The following GARNL3 variants were observed in gnomAD, a reference collection of about 807,000 sequenced individuals.
The protein encoded by GARNL3 is GTPase-activating Rap/Ran-GAP domain-like protein 3.
Under a neutral mutation model 125.0 loss-of-function variants are expected in GARNL3, and 63 were observed. The ratio of observed to expected loss-of-function variants is 0.50; its 90% CI spans 0.41 to 0.62. The LOEUF (loss-of-function observed/expected upper bound fraction) is 0.62. Among genes scored for constraint, GARNL3 ranks in the 20% least tolerant of loss-of-function variants. The probability of loss-of-function intolerance (pLI) is 0.00; values close to 1 mark genes in which losing one functional copy is unlikely to be tolerated. For missense variants in GARNL3, 994 were observed against 1,244.0 expected (o/e 0.80, Z 3.02); for synonymous variants, 439 against 457.5 (o/e 0.96, Z 0.52).
intron 12 of GARNL3, among the ~76,000 whole-genome samples, chr9:127,338,941 T>C (rs1829701443): frequency 6.6e-6 from 1 of 152,180 alleles, no homozygotes; most frequent in South Asian, 2.1e-4. Flanking sequence ...AAGGACAGAA[T>C]AGTGGTGTAT....
chr9:127,347,255 C>T (rs563817962), intron 16 of GARNL3, among the ~76,000 whole-genome samples: 3 of 151,512 alleles, frequency 2.0e-5, no homozygotes, highest in African/African-American at 7.3e-5. Context: ...CCTGTCTCCA[C>T]AAAAAAAATT....
intron 2 of GARNL3, among the ~76,000 whole-genome samples, chr9:127,248,581 CTGCTTTTTTCTTT>C (rs2063342417): frequency 8.2e-6 from 1 of 121,574 alleles, no homozygotes; most frequent in South Asian, 2.7e-4. Context: ...TTATTTTCTT[CTGCTTTTTTCTTT>C]TCTTTTTTTT....
chr9:127,357,258 G>A lies in GARNL3; in HGVS notation c.1975G>A (p.Val659Met), dbSNP rs149591872. The change falls in exon 21 of 28, where the codon GTG (valine) becomes ATG (methionine). Residue 659 changes from valine (V) to methionine (M), a missense_variant. This residue lies in a region of GARNL3 where 728 missense variants were observed against 865.7 expected (regional missense o/e 0.84). Transcript: ENST00000373387. The stretch of plus-strand genomic sequence containing the variant: ...TGACTCTCCCATGGTGATGACCTTA[G>A]TGGATGGGCCAGCTGAAGAGAGTGA... ...LSDSPMVMTL[V>M]DGPAEESDNL... is the part of the protein sequence containing the mutation. 25 of 1,614,080 alleles carry A rather than the reference G, an allele frequency of 1.5e-5. No individual in the cohort carries two copies. Among genetic ancestry groups the A allele is most frequent in the Non-Finnish European group, 2.1e-5 (25 of 1,180,036 alleles).
chr9:127,313,600 A>G lies in GARNL3; in HGVS notation c.438+41A>G, dbSNP rs116489899. 1,135 of 1,267,936 alleles carry G rather than the reference A, an allele frequency of 9.0e-4. 13 individuals are homozygous for G. The African/African-American group carries it at 0.015, about 17-fold the overall frequency. 78.5% of individuals were successfully genotyped at this position (1,267,936 alleles called of 1,614,324 possible). On this transcript the variant is annotated intron_variant, in intron 4 of 27. Transcript: ENST00000373387. ...ACACTTGAAGCAAAATTTATGCATC[A>G]GTTTCAGGAGATAACCCCTGTGCTG...
chr9:127,259,154 C>G (rs2068774298), upstream of GARNL3, among the ~76,000 whole-genome samples: 1 of 152,152 alleles, frequency 6.6e-6, no homozygotes, highest in African/African-American at 2.4e-5. Context: ...CTTTCCTTAT[C>G]AGTTTTAACA....
chr9:127,229,793 G>A (rs951019587), intron 1 of GARNL3, among the ~76,000 whole-genome samples: 2 of 152,184 alleles, frequency 1.3e-5, no homozygotes, highest in Admixed American at 1.3e-4. Flanking sequence ...ACCATACCCA[G>A]CAGTTTAAAT....
chr9:127,393,462 T>G lies in GARNL3; in HGVS notation c.*208T>G, dbSNP rs937710089. ...TTTCTTTCTGTTCAGGAACCATCAG[T>G]CCCCTTGTAATAAAGGTGGTAGATT... On this transcript the variant is annotated 3_prime_UTR_variant, in exon 28 of 28. Transcript: ENST00000373387. 4 of 387,304 alleles carry G rather than the reference T, an allele frequency of 1.0e-5. No homozygotes were observed. Among genetic ancestry groups the G allele is most frequent in the African/African-American group, 8.0e-5 (4 of 49,824 alleles). 24.0% of individuals were successfully genotyped at this position (387,304 alleles called of 1,614,324 possible).
At chr9:127,369,866 C>T (rs1564187550) in intron 22 of GARNL3, among the ~76,000 whole-genome samples, 1 of 152,098 alleles carries the variant, frequency 6.6e-6, no homozygotes, top group Non-Finnish European at 1.5e-5. Flanking sequence ...GAAGGGAGGA[C>T]TAGTGGTGCC....
At chr9:127,347,521 T>TA (rs1439105041) in intron 16 of GARNL3, among the ~76,000 whole-genome samples, 1 of 152,192 alleles carries the variant, frequency 6.6e-6, no homozygotes, top group African/African-American at 2.4e-5. Flanking sequence ...GTGGATCCTG[T>TA]AGGGCCCTTG....
At chr9:127,388,419 G>A (rs1397007941) in intron 25 of GARNL3, 1 of 160,894 alleles carries the variant, frequency 6.2e-6, no homozygotes, top group African/African-American at 2.4e-5. Flanking sequence ...GTTAACAGTA[G>A]TGGGTTTTGA....
upstream of GARNL3, among the ~76,000 whole-genome samples, chr9:127,260,489 G>A (rs976104853): frequency 6.6e-6 from 1 of 152,178 alleles, no homozygotes; most frequent in African/African-American, 2.4e-5. Context: ...ACACTAATCA[G>A]TTTCTGGGTA....
chr9:127,371,641 A>C (rs1831612727), intron 22 of GARNL3, among the ~76,000 whole-genome samples: 2 of 152,240 alleles, frequency 1.3e-5, no homozygotes, highest in African/African-American at 4.8e-5. Flanking sequence ...AAGTGTCATA[A>C]GACTTTATTC....
chr9:127,327,631 T>A (rs866385480), intron 7 of GARNL3, among the ~76,000 whole-genome samples: 33 of 152,140 alleles, frequency 2.2e-4, no homozygotes, highest in Admixed American at 2.6e-4. Flanking sequence ...ACTCCTGGGT[T>A]CAAGTGATCC....
At chr9:127,338,183 A>G in intron 12 of GARNL3, 22 bp downstream of exon 12, 1 of 1,571,226 alleles carries the variant, frequency 6.4e-7, no homozygotes, top group Non-Finnish European at 8.8e-7. Context: ...CTTTGTCTCG[A>G]TTGCTTGTCC....
intron 3 of GARNL3, 40 bp from the exon 4 acceptor site, chr9:127,313,401 A>T: frequency 7.2e-7 from 1 of 1,389,612 alleles, no homozygotes; most frequent in East Asian, 2.3e-5. Context: ...GGCTGGCAGG[A>T]TCAGTTGCAT....
In GARNL3 at chr9:127,313,442, C is replaced by T. The variant is rs1157355811; in HGVS notation, c.321C>T (p.Val107=). 6.2e-7 allele frequency: 1 copy of T among 1,607,364 alleles called. No individual in the cohort carries two copies. The highest frequency in any genetic ancestry group is 1.1e-5 in the South Asian group (1 of 90,926). ...CTGTTCTAAACCTTTCTTTTCCAGT[C>T]CATCAGAACTACATTGGAAACGATG... The part of the protein sequence containing the change: ...RWYFKYFLGQ[V]HQNYIGNDAE... The change falls in exon 4 of 28, where the codon GTC becomes GTT. Residue 107 remains valine (V), a splice_region_variant and synonymous_variant. Transcript: ENST00000373387.
rs146344374 is a variant in GARNL3 at position 127,339,675 on chromosome 9, A to C, written c.1059A>C (p.Pro353=). Residue 353 remains proline, a synonymous_variant, in exon 13 of 28, where the codon CCA becomes CCC. Transcript: ENST00000373387. ...AAATATTTTCAGAAGAGAGCGTACC[A>C]CTCTTTGGCCCTCCCTTGCCAACTC... ...RLKIFSEESV[P]LFGPPLPTPP... is the part of the protein sequence containing the mutation. 6.2e-7 allele frequency: 1 copy of C among 1,613,002 alleles called. No individual in the cohort carries two copies. Among genetic ancestry groups the C allele is most frequent in the Non-Finnish European group, 8.5e-7 (1 of 1,179,228 alleles).
At chr9:127,228,246 G>A (rs2062947081) in intron 1 of GARNL3, among the ~76,000 whole-genome samples, 1 of 152,200 alleles carries the variant, frequency 6.6e-6, no homozygotes, top group Non-Finnish European at 1.5e-5. Flanking sequence ...TAAAGATGCT[G>A]TAAATCCATG....
At chr9:127,231,040 ATATATATATATTT>A (rs1180093193) in intron 1 of GARNL3, among the ~76,000 whole-genome samples, 51 of 46,330 alleles carry the variant, frequency 1.1e-3, no homozygotes, top group Non-Finnish European at 6.8e-4. Flanking sequence ...ATATACATAT[ATATATATATATTT>A]TTTTTTTTTT....
Sources: allele counts gnomAD v4.1 joint callset (sites outside exome capture counted in the v4.1 genomes callset), GRCh38; gene constraint gnomAD v4.1.1; regional missense constraint gnomAD v4.1.1; transcripts MANE v1.5; gene names NCBI Gene and HGNC (gene_info 2026-07-23, HGNC 2026-07-21).